The following CHL1 variants were observed in gnomAD, a reference collection of about 807,000 sequenced individuals.
The protein encoded by CHL1 is cell adhesion molecule L1 like, also known as neural cell adhesion molecule L1-like protein.
In CHL1, 96 loss-of-function variants were observed where a neutral mutation model predicts 141.9. That is an observed-to-expected ratio of 0.68 (90% CI 0.57 to 0.80). The LOEUF (loss-of-function observed/expected upper bound fraction) is 0.80. Among genes scored for constraint, CHL1 ranks in the 30% least tolerant of loss-of-function variants. The pLI is 0.00. For missense variants in CHL1, 1,820 were observed against 1,457.2 expected (o/e 1.25, Z -4.05); for synonymous variants, 613 against 502.2 (o/e 1.22, Z -2.95).
At chr3:391,537 A>G in intron 22 of CHL1, 138 bp from the exon 23 acceptor site, 1 of 639,694 alleles carries the variant, frequency 1.6e-6, no homozygotes, top group Non-Finnish European at 2.7e-6. Flanking sequence ...ATAAATAAAC[A>G]TTATTCCTTA....
intron 2 of CHL1, among the ~76,000 whole-genome samples, chr3:256,346 G>A (rs1389336243): frequency 6.6e-6 from 1 of 152,168 alleles, no homozygotes; most frequent in African/African-American, 2.4e-5. Context: ...TTTGAGTGAT[G>A]TACAGCTATT....
intron 2 of CHL1, among the ~76,000 whole-genome samples, chr3:308,527 G>C (rs1307002294): frequency 6.6e-6 from 1 of 150,938 alleles, no homozygotes; most frequent in Non-Finnish European, 1.5e-5. Flanking sequence ...ACAGCTGATA[G>C]ATAGATAGAT....
chr3:225,970 G>T (rs957584099), intron 1 of CHL1, among the ~76,000 whole-genome samples: 2 of 151,304 alleles, frequency 1.3e-5, no homozygotes, highest in Non-Finnish European at 2.9e-5. Flanking sequence ...GATAGCACCA[G>T]TGCACTTCAG....
chr3:200,233 T>G (rs1390589616), intron 1 of CHL1, among the ~76,000 whole-genome samples: 1 of 152,220 alleles, frequency 6.6e-6, no homozygotes, highest in Non-Finnish European at 1.5e-5. Context: ...TTTCACCATT[T>G]TCTATTTTCC....
At position 269,533 on chromosome 3, in the gene CHL1, A is replaced by C. The variant is rs575911339; in HGVS notation, c.-95+24841A>C. Among the ~76,000 whole-genome samples the C allele has an allele frequency of 2.6e-5, 4 of 151,900 alleles. No individual in the cohort carries two copies. The South Asian group carries it at 6.2e-4, about 24-fold the overall frequency. ...GATAAAAAAGACTCTCTCTCTCTAT[A>C]TATATATATGAGATGGAGTTCTGCT... is the stretch of plus-strand genomic sequence containing the variant. On this transcript the variant is annotated intron_variant, in intron 2 of 27. Coordinates refer to ENST00000256509, the MANE Select transcript of CHL1 (RefSeq NM_006614.4).
intron 2 of CHL1, among the ~76,000 whole-genome samples, chr3:318,759 A>T (rs997783006): frequency 4.0e-5 from 6 of 151,426 alleles, no homozygotes; most frequent in Admixed American, 2.0e-4. Flanking sequence ...GGAACTATCC[A>T]TCTTCTATTA....
chr3:198,126 C>G (rs1698546752), intron 1 of CHL1: 1 of 244,778 alleles, frequency 4.1e-6, no homozygotes, highest in African/African-American at 2.3e-5. Flanking sequence ...CAGGGTGGAG[C>G]GCAGGGTGGG....
chr3:387,425 G>A (rs529065626), intron 19 of CHL1, among the ~76,000 whole-genome samples: 13 of 152,242 alleles, frequency 8.5e-5, no homozygotes, highest in African/African-American at 3.1e-4. Flanking sequence ...GGCTCAGTAG[G>A]CATTGCCTTC....
At chr3:293,210 A>G (rs945327426) in intron 2 of CHL1, among the ~76,000 whole-genome samples, 4 of 152,210 alleles carry the variant, frequency 2.6e-5, no homozygotes, top group African/African-American at 9.7e-5. Flanking sequence ...AAACTACAAA[A>G]AAAACTTGTG....
At position 251,701 on chromosome 3, in the gene CHL1, G is replaced by A. The variant is rs946106589; in HGVS notation, c.-95+7009G>A. On this transcript the variant is annotated intron_variant, in intron 2 of 27. Transcript: ENST00000256509. ...CCTATATCCTGGAAAGTTAGAAAAA[G>A]TGTTGTTTTTGGAAAGTAGACTTTT... Among the ~76,000 whole-genome samples the A allele has an allele frequency of 5.1e-4, 78 of 152,200 alleles. 1 individual carries two copies. The highest frequency in any genetic ancestry group is 1.8e-3 in the African/African-American group (76 of 41,546).
At chr3:216,541 C>G (rs1162487605) in intron 1 of CHL1, among the ~76,000 whole-genome samples, 1 of 152,202 alleles carries the variant, frequency 6.6e-6, no homozygotes, top group Non-Finnish European at 1.5e-5. Flanking sequence ...CCAACCCTGT[C>G]TATTAAAAAA....
intron 2 of CHL1, among the ~76,000 whole-genome samples, chr3:256,831 G>A (rs1694221598): frequency 6.6e-6 from 1 of 152,240 alleles, no homozygotes; most frequent in Non-Finnish European, 1.5e-5. Context: ...TTGGATGACT[G>A]AGTGATGGCA....
At chr3:250,565 G>A (rs952695524) in intron 2 of CHL1, among the ~76,000 whole-genome samples, 8 of 152,040 alleles carry the variant, frequency 5.3e-5, no homozygotes, top group Non-Finnish European at 1.0e-4. Context: ...CAGTGGGAAC[G>A]GGGAAGACCC....
intron 10 of CHL1, among the ~76,000 whole-genome samples, chr3:352,557 G>C (rs1343561276): frequency 6.6e-6 from 1 of 152,096 alleles, no homozygotes; most frequent in African/African-American, 2.4e-5. Flanking sequence ...TAGGATAATA[G>C]ATAAAAGAAT....
At chr3:258,545 T>A (rs868162843) in intron 2 of CHL1, among the ~76,000 whole-genome samples, 2 of 152,238 alleles carry the variant, frequency 1.3e-5, no homozygotes, top group African/African-American at 4.8e-5. Context: ...TACTTTCACA[T>A]GTTTGAAGAT....
At chr3:354,615 C>A in intron 10 of CHL1, 25 bp from the exon 11 acceptor site, 2 of 1,598,946 alleles carry the variant, frequency 1.3e-6, no homozygotes, top group African/African-American at 2.7e-5. Context: ...TAACATCTCT[C>A]ATGAGCTCTT....
At chr3:227,352 C>T (rs2055314) in intron 1 of CHL1, among the ~76,000 whole-genome samples, 61,970 of 152,104 alleles carry the variant, frequency 0.41, 15,502 homozygotes, top group Non-Finnish European at 0.54. Flanking sequence ...TGTGCAAGCT[C>T]CAGTGATGCC....
chr3:384,597 A>G (rs1014883751), intron 19 of CHL1: 1 of 152,072 alleles, frequency 6.6e-6, no homozygotes. Context: ...TCATTTCCAA[A>G]TTTTTTCTGT....
chr3:330,947 G>C (rs1701388346), intron 5 of CHL1, among the ~76,000 whole-genome samples: 1 of 151,798 alleles, frequency 6.6e-6, no homozygotes, highest in Non-Finnish European at 1.5e-5. Flanking sequence ...TGGCATGTTA[G>C]CATGGATCTC....
Sources: allele counts gnomAD v4.1 joint callset (sites outside exome capture counted in the v4.1 genomes callset), GRCh38; gene constraint gnomAD v4.1.1; transcripts MANE v1.5; gene names NCBI Gene and HGNC (gene_info 2026-07-23, HGNC 2026-07-21).